Variants in INSL6 observed in about 807,000 individuals in gnomAD.
The protein encoded by INSL6 is insulin like 6, also known as insulin-like peptide INSL6.
Under a neutral mutation model 9.4 loss-of-function variants are expected in INSL6, and 16 were observed. The observed-to-expected ratio is 1.70, with a 90% CI of 1.15 to 2.59. The LOEUF (loss-of-function observed/expected upper bound fraction) is 2.59. Ranked by LOEUF, INSL6 falls within the 30% of genes most tolerant of loss-of-function variation. INSL6 has a pLI of 0.00. For missense variants in INSL6, 391 were observed against 257.3 expected, an observed-to-expected ratio of 1.52 and a Z score of -3.56; for synonymous variants, 154 against 96.9, an observed-to-expected ratio of 1.59 and a Z score of -3.46.
At chr9:5,005,255 T>G in the INSL6 span, among the ~76,000 whole-genome samples, 1 of 151,810 alleles carries the variant, frequency 6.6e-6, no homozygotes, top group African/African-American at 2.4e-5. Flanking sequence ...CAGTCTGTAT[T>G]GTCCTTTGAG....
chr9:5,089,726 C>T, the INSL6 span: 1 of 1,578,262 alleles, frequency 6.3e-7, no homozygotes, highest in Non-Finnish European at 8.6e-7. Flanking sequence ...CAGGACAACA[C>T]TGGGGAGGTG....
chr9:5,078,497 G>C, the INSL6 span: 1 of 1,387,846 alleles, frequency 7.2e-7, no homozygotes, highest in African/African-American at 1.4e-5. Context: ...TTGGGCAGTG[G>C]TGTAAAGGGC....
the INSL6 span, chr9:5,100,130 C>T: frequency 6.6e-6 from 1 of 152,214 alleles, no homozygotes; most frequent in African/African-American, 2.4e-5. Flanking sequence ...GCTTCAGTTG[C>T]TTTTATTATT....
chr9:5,102,829 C>T, the INSL6 span, among the ~76,000 whole-genome samples: 2 of 152,126 alleles, frequency 1.3e-5, no homozygotes, highest in Admixed American at 6.5e-5. Context: ...AAATCCTTTA[C>T]AGACAAGCAA....
the INSL6 span, among the ~76,000 whole-genome samples, chr9:5,000,154 GT>G: frequency 3.6e-4 from 53 of 149,200 alleles, no homozygotes; most frequent in Admixed American, 1.3e-3. Context: ...TATTTTTTCT[GT>G]TTTTTTTTAA....
intron 2 of INSL6, among the ~76,000 whole-genome samples, chr9:5,158,271 GT>G (rs1824858971): frequency 6.6e-6 from 1 of 152,160 alleles, no homozygotes; most frequent in South Asian, 2.1e-4. Flanking sequence ...GGTCTAGAAT[GT>G]TTTTCAAAGA....
chr9:5,185,357 G>A lies in INSL6; in HGVS notation c.246C>T (p.Ser82=). 1.2e-6 allele frequency: 2 copies of A among 1,614,106 alleles called. No individual in the cohort carries two copies. Among genetic ancestry groups the A allele is most frequent in the South Asian group, 1.1e-5 (1 of 91,066 alleles). The part of the protein sequence containing the change: ...VEAYSPYQFE[S]PQTASPARGR... ...CCCGGGCCGGGGAAGCGGTTTGCGG[G>A]CTTTCGAACTGGTATGGGCTGTAGG... is the stretch of plus-strand genomic sequence containing the variant. The change falls in exon 1 of 2, where the codon AGC becomes AGT. Residue 82 remains serine (S), a synonymous_variant. Transcript: ENST00000381641.
chr9:5,029,987 T>C, the INSL6 span: 1 of 1,258,556 alleles, frequency 7.9e-7, no homozygotes, highest in Non-Finnish European at 1.1e-6. Flanking sequence ...AATTGCAAGG[T>C]ACTTAATACC....
intron 2 of INSL6, among the ~76,000 whole-genome samples, chr9:5,156,445 G>T (rs1311925938): frequency 3.9e-5 from 6 of 152,054 alleles, no homozygotes; most frequent in Non-Finnish European, 7.4e-5. Flanking sequence ...AACATATCTG[G>T]ATTCCTCAAA....
chr9:5,139,736 G>A (rs1330854469), intron 2 of INSL6, among the ~76,000 whole-genome samples: 4 of 152,160 alleles, frequency 2.6e-5, no homozygotes, highest in Non-Finnish European at 5.9e-5. Context: ...ATCTGCTCAG[G>A]AACACAGCCA....
At chr9:5,154,686 A>C (rs1824781509) in intron 2 of INSL6, among the ~76,000 whole-genome samples, 1 of 152,246 alleles carries the variant, frequency 6.6e-6, no homozygotes, top group African/African-American at 2.4e-5. Flanking sequence ...ACACTTCTCA[A>C]AAGAAGACAT....
At chr9:5,165,258 G>C (rs1825025481) in intron 1 of INSL6, among the ~76,000 whole-genome samples, 1 of 152,168 alleles carries the variant, frequency 6.6e-6, no homozygotes. Flanking sequence ...TCACACACAA[G>C]TTTTTGTGTG....
At chr9:5,093,341 A>G in the INSL6 span, among the ~76,000 whole-genome samples, 1 of 152,200 alleles carries the variant, frequency 6.6e-6, no homozygotes, top group Non-Finnish European at 1.5e-5. Flanking sequence ...GCCCAGTGAC[A>G]TATGTTCAAC....
the INSL6 span, chr9:5,054,749 A>C: frequency 6.2e-7 from 1 of 1,613,370 alleles, no homozygotes; most frequent in Admixed American, 1.7e-5. This position sits in a 1 kb window ranked among gnomAD's most constrained non-coding sequence, Gnocchi z 4.9. Context: ...CCTTCTACAC[A>C]GAGAAATTTG....
At chr9:5,089,944 C>T in the INSL6 span, 4 of 961,352 alleles carry the variant, frequency 4.2e-6, no homozygotes, top group East Asian at 6.2e-5. Context: ...AATGTCTTAA[C>T]GATCTGGACT....
the INSL6 span, among the ~76,000 whole-genome samples, chr9:5,063,950 A>G: frequency 6.6e-5 from 10 of 152,274 alleles, no homozygotes; most frequent in South Asian, 1.9e-3. Context: ...TAGGTCAGGA[A>G]TTTGAGACCA....
At chr9:5,066,571 A>G in the INSL6 span, 5 of 668,224 alleles carry the variant, frequency 7.5e-6, no homozygotes, top group Admixed American at 4.8e-5. Flanking sequence ...AGTAGAGGAG[A>G]CAATTCTGAC....
chr9:5,113,924 C>T, the INSL6 span: 7 of 241,224 alleles, frequency 2.9e-5, no homozygotes, highest in South Asian at 5.0e-5. Context: ...CACTTACCCC[C>T]GACCATCCAG....
the INSL6 span, chr9:5,041,519 G>A: frequency 9.0e-6 from 5 of 553,482 alleles, no homozygotes; most frequent in Non-Finnish European, 1.4e-5. Flanking sequence ...AGCGCGCCAC[G>A]CCCATCGAAG....
Sources: gnomAD v4.1 joint callset for allele counts (sites outside exome capture counted in the v4.1 genomes callset) on GRCh38, gnomAD v4.1.1 for gene constraint, Gnocchi (gnomAD v3.1) non-coding constraint, MANE v1.5 for transcripts, NCBI Gene and HGNC (gene_info 2026-07-23, HGNC 2026-07-21) for gene names.